GIGYF2: variants seen among roughly 807,000 people sequenced by gnomAD.
GIGYF2 encodes GRB10 interacting GYF protein 2.
GIGYF2 carries 25 observed loss-of-function variants against 208.1 expected under a neutral mutation model. The ratio of observed to expected loss-of-function variants is 0.12; its 90% CI spans 0.09 to 0.17. GIGYF2 has a LOEUF of 0.17. Among genes scored for constraint, GIGYF2 ranks in the 10% least tolerant of loss-of-function variants. The pLI is 1.00. For missense variants in GIGYF2, 1,302 were observed against 1,579.4 expected (o/e 0.82, Z 2.98); for synonymous variants, 534 against 543.8 (o/e 0.98, Z 0.25).
intron 9 of GIGYF2, chr2:232,788,507 T>C (rs1699983497): frequency 2.1e-6 from 1 of 466,560 alleles, no homozygotes; most frequent in African/African-American, 2.0e-5. Flanking sequence ...TTGTAGACTA[T>C]GTTCCCAACA....
At chr2:232,757,184 T>C (rs1392562594) in intron 6 of GIGYF2, among the ~76,000 whole-genome samples, 1 of 151,930 alleles carries the variant, frequency 6.6e-6, no homozygotes, top group Non-Finnish European at 1.5e-5. Context: ...CTACAGTCTC[T>C]CTAGAAAATG....
intron 2 of GIGYF2, 140 bp from the exon 3 acceptor site, chr2:232,735,015 T>C (rs1479434850): frequency 3.3e-6 from 2 of 608,298 alleles, no homozygotes; most frequent in Non-Finnish European, 3.0e-6. Context: ...ATTATTGTTT[T>C]AAGTAGGAAT....
At position 232,806,139 on chromosome 2, in the gene GIGYF2, A is replaced by G. The variant is rs1316868904; in HGVS notation, c.1640-352A>G. 6.6e-6 allele frequency among the ~76,000 whole-genome samples: 1 copy of G among 152,200 alleles called. No individual in the cohort carries two copies. The highest frequency in any genetic ancestry group is 2.4e-5 in the African/African-American group (1 of 41,462). On this transcript the variant is annotated intron_variant, in intron 14 of 28. Transcript: ENST00000373563. This position sits in a 1 kb window ranked among gnomAD's most constrained non-coding sequence, Gnocchi z 4.0. ...AATTGGAGAACGTTTTCAGCCCTGC[A>G]TGTTTATATTCTTTACGCCTAAATG...
chr2:232,708,449 G>A (rs1696230977), intron 2 of GIGYF2, among the ~76,000 whole-genome samples: 1 of 151,966 alleles, frequency 6.6e-6, no homozygotes. Context: ...TCTGAAAATT[G>A]CAAGGAACTG....
chr2:232,752,171 A>T (rs1698358410), intron 5 of GIGYF2, among the ~76,000 whole-genome samples: 1 of 152,180 alleles, frequency 6.6e-6, no homozygotes. Flanking sequence ...ATATGTTGGA[A>T]TAGGACAGTG....
chr2:232,829,625 G>A (rs1240287337), intron 21 of GIGYF2, among the ~76,000 whole-genome samples: 1 of 152,166 alleles, frequency 6.6e-6, no homozygotes, highest in Non-Finnish European at 1.5e-5. Flanking sequence ...CTTCATGCCT[G>A]TAGTTTATGA....
At chr2:232,801,910 A>G (rs532718326) in intron 14 of GIGYF2, among the ~76,000 whole-genome samples, 1 of 152,240 alleles carries the variant, frequency 6.6e-6, no homozygotes, top group African/African-American at 2.4e-5. Flanking sequence ...GTCCATGAAC[A>G]TGGATGTGTT....
chr2:232,739,937 TAAAAAAAAAAAAA>T (rs34661108), intron 3 of GIGYF2, among the ~76,000 whole-genome samples: 1 of 111,658 alleles, frequency 9.0e-6, no homozygotes, highest in Non-Finnish European at 1.8e-5. Flanking sequence ...CCATCTCTGC[TAAAAAAAAAAAAA>T]AAAAAAAAAT....
chr2:232,854,578 G>T (rs1239380498), intron 28 of GIGYF2, among the ~76,000 whole-genome samples: 1 of 152,092 alleles, frequency 6.6e-6, no homozygotes, highest in East Asian at 1.9e-4. Context: ...TGGGTTATTG[G>T]AACACAGTTG....
intron 3 of GIGYF2, among the ~76,000 whole-genome samples, chr2:232,741,580 C>G (rs1697970392): frequency 6.6e-6 from 1 of 151,902 alleles, no homozygotes; most frequent in Admixed American, 6.6e-5. Context: ...GTAGCTGGGA[C>G]TATAGGCATG....
intron 21 of GIGYF2, among the ~76,000 whole-genome samples, chr2:232,821,447 C>G (rs1701078369): frequency 1.3e-5 from 2 of 152,196 alleles, no homozygotes; most frequent in Admixed American, 1.3e-4. Flanking sequence ...TGATCGCTTG[C>G]CTTGGCCTCC....
chr2:232,733,972 A>T (rs1697619135), intron 2 of GIGYF2, among the ~76,000 whole-genome samples: 1 of 151,848 alleles, frequency 6.6e-6, no homozygotes, highest in South Asian at 2.1e-4. Flanking sequence ...TTTTTATAGT[A>T]TTTTCCATTT....
At chr2:232,699,491 T>C (rs987358303) in intron 1 of GIGYF2, among the ~76,000 whole-genome samples, 4 of 152,198 alleles carry the variant, frequency 2.6e-5, no homozygotes, top group African/African-American at 9.7e-5. Context: ...CCCAACCCCC[T>C]TAACTCCCAT....
intron 22 of GIGYF2, 34 bp downstream of exon 22, chr2:232,833,127 T>A: frequency 6.8e-7 from 1 of 1,461,832 alleles, no homozygotes; most frequent in Non-Finnish European, 9.4e-7. Flanking sequence ...AGGAGCTCCT[T>A]GCTAACATTT....
intron 9 of GIGYF2, among the ~76,000 whole-genome samples, 161 bp downstream of exon 9, chr2:232,787,490 A>T (rs912594540): frequency 6.6e-6 from 1 of 152,202 alleles, no homozygotes; most frequent in Non-Finnish European, 1.5e-5. Flanking sequence ...ATTGCAACAT[A>T]AAAATTTCCT....
intron 2 of GIGYF2, among the ~76,000 whole-genome samples, chr2:232,707,741 G>A (rs1408672592): frequency 6.6e-6 from 1 of 150,924 alleles, no homozygotes; most frequent in African/African-American, 2.4e-5. Flanking sequence ...GGGTTCAAGC[G>A]ATTTTCCTGC....
At chr2:232,702,186 C>G (rs1262748583) in intron 1 of GIGYF2, among the ~76,000 whole-genome samples, 1 of 152,094 alleles carries the variant, frequency 6.6e-6, no homozygotes, top group Admixed American at 6.5e-5. Flanking sequence ...TGCCTGTAAT[C>G]CCAGCACTCT....
rs572589225 is a variant in GIGYF2 at position 232,705,148 on chromosome 2, C to T, written c.-44+1659C>T. 1.7e-3 allele frequency among the ~76,000 whole-genome samples: 254 copies of T among 152,082 alleles called. 1 individual carries two copies. Among genetic ancestry groups the T allele is most frequent in the South Asian group, 3.7e-3 (18 of 4,820 alleles). On this transcript the variant is annotated intron_variant, in intron 2 of 28. Transcript: ENST00000373563. ...TGCTGGGATTACAGGCGTGAGCCAC[C>T]GCGCCCGGCCAACTTCTGGATATTT... is the stretch of plus-strand genomic sequence containing the variant.
chr2:232,759,875 T>C (rs1238804239), intron 6 of GIGYF2, among the ~76,000 whole-genome samples: 1 of 152,124 alleles, frequency 6.6e-6, no homozygotes, highest in African/African-American at 2.4e-5. Flanking sequence ...TCTACCAGCT[T>C]TGTTGGTTCA....
Sources: gnomAD v4.1 joint callset for allele counts (sites outside exome capture counted in the v4.1 genomes callset) on GRCh38, gnomAD v4.1.1 for gene constraint, Gnocchi (gnomAD v3.1) non-coding constraint, MANE v1.5 for transcripts, NCBI Gene and HGNC (gene_info 2026-07-23, HGNC 2026-07-21) for gene names.